Variants in SMOC2 observed in about 807,000 individuals in gnomAD.
SMOC2 encodes SPARC related modular calcium binding 2.
Under a neutral mutation model 61.4 loss-of-function variants are expected in SMOC2, and 39 were observed. The ratio of observed to expected loss-of-function variants is 0.64; its 90% CI spans 0.49 to 0.83. The LOEUF is 0.83. Among genes scored for constraint, SMOC2 ranks in the 40% least tolerant of loss-of-function variants. SMOC2 has a pLI of 0.00. For synonymous variants in SMOC2, 247 were observed against 239.9 expected (o/e 1.03, Z -0.27); for missense variants, 556 against 592.9 (o/e 0.94, Z 0.65).
At chr6:168,640,411 G>A (rs1003543015) in intron 9 of SMOC2, among the ~76,000 whole-genome samples, 2 of 152,154 alleles carry the variant, frequency 1.3e-5, no homozygotes, top group Admixed American at 6.5e-5. Flanking sequence ...TGCTGCAGAC[G>A]CTGAGGGGCC....
intron 2 of SMOC2, among the ~76,000 whole-genome samples, chr6:168,523,748 TAATC>T (rs1783389968): frequency 1.3e-5 from 2 of 152,228 alleles, no homozygotes; most frequent in East Asian, 3.9e-4. Flanking sequence ...GGGGATTTAA[TAATC>T]AAACAGTTAA....
intron 11 of SMOC2, among the ~76,000 whole-genome samples, chr6:168,660,244 G>A (rs1013900957): frequency 4.6e-5 from 7 of 152,160 alleles, no homozygotes; most frequent in African/African-American, 1.7e-4. Flanking sequence ...TCATGGGCAA[G>A]CTAAATCCCC....
At chr6:168,657,667 C>CAA (rs2115282576) in intron 11 of SMOC2, among the ~76,000 whole-genome samples, 1 of 152,176 alleles carries the variant, frequency 6.6e-6, no homozygotes, top group Non-Finnish European at 1.5e-5. Flanking sequence ...TGAACACAAA[C>CAA]GTATTAGCTT....
intron 1 of SMOC2, among the ~76,000 whole-genome samples, chr6:168,498,379 G>A (rs752574063): frequency 7.2e-5 from 11 of 152,222 alleles, no homozygotes; most frequent in Admixed American, 1.3e-4. Context: ...ATCAGCAAAC[G>A]CATTCGCTAT....
chr6:168,454,890 C>T (rs748360243), intron 1 of SMOC2, among the ~76,000 whole-genome samples: 19 of 152,190 alleles, frequency 1.2e-4, no homozygotes, highest in Middle Eastern at 3.4e-3. Context: ...ATCCTGTGGC[C>T]GGGGTCCCTG....
At chr6:168,451,904 C>G (rs185856647) in intron 1 of SMOC2, among the ~76,000 whole-genome samples, 1 of 152,202 alleles carries the variant, frequency 6.6e-6, no homozygotes, top group African/African-American at 2.4e-5. Context: ...ACCACCTACA[C>G]CCTGCTGGAA....
rs552269401 is a variant in SMOC2, at chr6:168,512,140, G to A, written c.256+2054G>A. ...CCACTCAGAGGGTCCTCTGAGGACCGACAGGAGGGCCCGAGAGGGAAGTAG... is the reference window on the plus strand; with the variant it reads ...CCACTCAGAGGGTCCTCTGAGGACCAACAGGAGGGCCCGAGAGGGAAGTAG... On this transcript the variant is annotated intron_variant, in intron 2 of 12. Coordinates refer to ENST00000356284, the MANE Select transcript of SMOC2 (RefSeq NM_001166412.2). Among the ~76,000 whole-genome samples, 6 of 152,280 alleles carry A rather than the reference G, an allele frequency of 3.9e-5. No homozygotes were observed. The East Asian group carries it at 9.7e-4, about 25-fold the overall frequency.
intron 11 of SMOC2, among the ~76,000 whole-genome samples, chr6:168,659,400 T>C (rs1787415031): frequency 7.1e-6 from 1 of 141,038 alleles, no homozygotes; most frequent in Non-Finnish European, 1.5e-5. Context: ...CAGGCTTGCC[T>C]ATAAATGAGG....
chr6:168,599,649 C>CAGA (rs1785476820), intron 8 of SMOC2, among the ~76,000 whole-genome samples: 1 of 123,358 alleles, frequency 8.1e-6, no homozygotes, highest in South Asian at 2.8e-4. Flanking sequence ...CCCACACACA[C>CAGA]TCATACCCAC....
chr6:168,569,546 T>A (rs1784619002), intron 7 of SMOC2, among the ~76,000 whole-genome samples: 1 of 152,206 alleles, frequency 6.6e-6, no homozygotes, highest in African/African-American at 2.4e-5. Flanking sequence ...ACTCAAGCCA[T>A]CATCCTGCCT....
At chr6:168,455,988 T>A (rs1000827776) in intron 1 of SMOC2, among the ~76,000 whole-genome samples, 7 of 152,214 alleles carry the variant, frequency 4.6e-5, no homozygotes, top group Admixed American at 3.3e-4. Flanking sequence ...GGCGCGGCAC[T>A]CAGGCAGGGC....
intron 1 of SMOC2, among the ~76,000 whole-genome samples, chr6:168,501,256 C>G (rs570161469): frequency 1.3e-4 from 20 of 152,162 alleles, no homozygotes; most frequent in African/African-American, 4.6e-4. Context: ...TAAATTATCT[C>G]AAAAATTACT....
At chr6:168,536,649 T>C (rs1783739947) in intron 4 of SMOC2, among the ~76,000 whole-genome samples, 1 of 151,980 alleles carries the variant, frequency 6.6e-6, no homozygotes, top group African/African-American at 2.4e-5. Context: ...CCACTAAGCC[T>C]CCCCCGGACT....
intron 8 of SMOC2, among the ~76,000 whole-genome samples, chr6:168,603,799 G>A (rs1054988008): frequency 3.3e-5 from 5 of 152,132 alleles, no homozygotes; most frequent in South Asian, 2.1e-4. Context: ...CTGAAATGCC[G>A]ACATCAGAGT....
intron 12 of SMOC2, among the ~76,000 whole-genome samples, chr6:168,666,082 A>G (rs1787654851): frequency 6.6e-6 from 1 of 152,236 alleles, no homozygotes; most frequent in East Asian, 1.9e-4. Flanking sequence ...TCAAATTTGA[A>G]GCATAAGTTA....
chr6:168,503,387 G>A (rs567313093), intron 1 of SMOC2, among the ~76,000 whole-genome samples: 1 of 152,076 alleles, frequency 6.6e-6, no homozygotes, highest in Non-Finnish European at 1.5e-5. Flanking sequence ...CACCTTGCTT[G>A]TTTTCTAAAT....
chr6:168,624,459 G>T (rs181838422), intron 9 of SMOC2, among the ~76,000 whole-genome samples: 43 of 152,288 alleles, frequency 2.8e-4, no homozygotes, highest in East Asian at 3.9e-4. Context: ...AACTAGAAGA[G>T]AATTGTTATG....
chr6:168,513,363 T>C (rs529145715), intron 2 of SMOC2, among the ~76,000 whole-genome samples: 1 of 151,802 alleles, frequency 6.6e-6, no homozygotes, highest in Middle Eastern at 3.4e-3. Flanking sequence ...TTAGTAGACA[T>C]TTAGGTTTCA....
chr6:168,549,265 GT>G (rs202029121), intron 7 of SMOC2, 62 bp downstream of exon 7: 317 of 1,472,590 alleles, frequency 2.2e-4, no homozygotes, highest in Non-Finnish European at 2.5e-4. Context: ...AAATGATGGG[GT>G]TTTTTTTTGG....
Sources: gnomAD v4.1 joint callset for allele counts (sites outside exome capture counted in the v4.1 genomes callset) on GRCh38, gnomAD v4.1.1 for gene constraint, MANE v1.5 for transcripts, NCBI Gene and HGNC (gene_info 2026-07-23, HGNC 2026-07-21) for gene names.